The following VSTM1 variants were observed in gnomAD, a reference collection of about 807,000 sequenced individuals.
VSTM1 encodes the protein V-set and transmembrane domain containing 1.
VSTM1 carries 27 observed loss-of-function variants against 33.1 expected under a neutral mutation model. The ratio of observed to expected loss-of-function variants is 0.82; its 90% CI spans 0.60 to 1.12. The LOEUF (loss-of-function observed/expected upper bound fraction) is 1.12. Among genes scored for constraint, VSTM1 ranks in the 50% most tolerant of loss-of-function variants. The pLI is 0.00. For synonymous variants in VSTM1, 115 were observed against 110.3 expected (o/e 1.04, Z -0.27); for missense variants, 304 against 288.9 (o/e 1.05, Z -0.38).
Position 54,053,746 on chromosome 19 carries a change from G to T in VSTM1, c.356-2298C>A, listed in dbSNP as rs1226171390. On this transcript the variant is annotated intron_variant, in intron 3 of 8. Transcript: ENST00000338372. ...CACATCAACTGTGAGATAATAAATA[G>T]GTGTTTCAGGCTGCTAAATTAGTGG... Among the ~76,000 whole-genome samples the T allele has an allele frequency of 4.2e-5, 6 of 142,240 alleles. 2 individuals are homozygous for T. The East Asian group carries it at 1.0e-3, about 24-fold the overall frequency. The allele number at this position is 142,240 out of a possible 152,430, so 93.3% of individuals were successfully genotyped here. A position where few individuals can be genotyped will look rare whatever the true frequency, so the allele number is the denominator to read the frequency against.
rs1247727249 is a variant in VSTM1, at chr19:54,040,920, G to A, written c.*41C>T. On this transcript the variant is annotated 3_prime_UTR_variant, in exon 9 of 9. Coordinates refer to ENST00000338372, the MANE Select transcript of VSTM1 (RefSeq NM_198481.4). ...TCCAGATTTCCGATAACCTTGGCCA[G>A]CACGATCCCCCCTCCTTTAGTGGCC... 1.9e-6 allele frequency: 3 copies of A among 1,599,876 alleles called. No individual in the cohort carries two copies. In the African/African-American group the frequency reaches 4.1e-5, roughly 22 times the overall value.
rs1436205116 is a variant in VSTM1, at chr19:54,054,070, G to T, written c.356-2622C>A. On this transcript the variant is annotated intron_variant, in intron 3 of 8. Transcript: ENST00000338372. Reference sequence around the variant, plus strand: ...ATGCCCATTTTGTAATAAGTAAAAAGTAGTATAATAAAAAAGTAAAAAGTA... The same window carrying T: ...ATGCCCATTTTGTAATAAGTAAAAATTAGTATAATAAAAAAGTAAAAAGTA... Among the ~76,000 whole-genome samples the T allele has an allele frequency of 4.2e-5, 6 of 141,796 alleles. 2 individuals carry two copies. Among genetic ancestry groups the T allele is most frequent in the African/African-American group, 1.6e-4 (6 of 38,434 alleles). The allele number at this position is 141,796 out of a possible 152,430, so 93.0% of individuals were successfully genotyped here.
chr19:54,047,317 G>C (rs1375602644), intron 4 of VSTM1, among the ~76,000 whole-genome samples: 1 of 150,450 alleles, frequency 6.6e-6, no homozygotes, highest in Non-Finnish European at 1.5e-5. Context: ...TTTTTTTTGA[G>C]ACAGTCTCAC....
At chr19:54,045,434 A>G (rs112561365) in intron 4 of VSTM1, among the ~76,000 whole-genome samples, 128 of 152,230 alleles carry the variant, frequency 8.4e-4, no homozygotes, top group African/African-American at 2.7e-3. Context: ...TTGTTAATCT[A>G]TCACTTATCT....
chr19:54,049,253 A>G (rs111383123), intron 4 of VSTM1, among the ~76,000 whole-genome samples: 7 of 152,234 alleles, frequency 4.6e-5, no homozygotes, highest in African/African-American at 1.7e-4. Context: ...ACAAAGGATC[A>G]CATAGTGTAT....
intron 4 of VSTM1, among the ~76,000 whole-genome samples, chr19:54,042,806 G>GTGTATATATA (rs1213654028): frequency 5.2e-5 from 3 of 57,938 alleles, no homozygotes; most frequent in Non-Finnish European, 9.5e-5. Flanking sequence ...ATATAAATGT[G>GTGTATATATA]TATATATATA....
At chr19:54,052,205 T>C (rs2070877286) in intron 3 of VSTM1, among the ~76,000 whole-genome samples, 2 of 150,122 alleles carry the variant, frequency 1.3e-5, no homozygotes, top group South Asian at 4.4e-4. Flanking sequence ...GAGACCATCC[T>C]GGCTAACATG....
chr19:54,042,993 G>A (rs1353344224), intron 4 of VSTM1, among the ~76,000 whole-genome samples: 4 of 150,728 alleles, frequency 2.7e-5, no homozygotes, highest in East Asian at 2.0e-4. Flanking sequence ...GATTACAGGC[G>A]TGAGCCACCA....
In VSTM1 at chr19:54,058,508, A is replaced by G; in HGVS notation, c.153T>C (p.Ala51=). ...AESNVTLKCQ[A]HSQNVTFVLR... is the part of the protein sequence containing the mutation. ...GCACAAATGTCACATTCTGGGAATG[A>G]GCCTGACACTTCAGGGTCACATTGC... The change falls in exon 3 of 9, where the codon GCT becomes GCC. Residue 51 remains alanine, a synonymous_variant. Coordinates refer to ENST00000338372, the MANE Select transcript of VSTM1 (RefSeq NM_198481.4). 5 of 1,614,070 alleles carry G rather than the reference A, an allele frequency of 3.1e-6. No individual in the cohort carries two copies. The highest frequency in any genetic ancestry group is 1.1e-5 in the South Asian group (1 of 91,082).
At chr19:54,062,935 C>T (rs1386988335) in intron 1 of VSTM1, among the ~76,000 whole-genome samples, 5 of 152,016 alleles carry the variant, frequency 3.3e-5, no homozygotes, top group Non-Finnish European at 7.4e-5. Context: ...GTAGTAAAGC[C>T]GAGATTATAA....
chr19:54,042,806 GTATATATATATA>G (rs1203522841), intron 4 of VSTM1, among the ~76,000 whole-genome samples: 15 of 57,938 alleles, frequency 2.6e-4, no homozygotes, highest in Admixed American at 4.8e-4. Flanking sequence ...ATATAAATGT[GTATATATATATA>G]TATATATATA....
intron 4 of VSTM1, among the ~76,000 whole-genome samples, chr19:54,044,468 G>A (rs991825167): frequency 6.6e-6 from 1 of 152,150 alleles, no homozygotes; most frequent in South Asian, 2.1e-4. Context: ...GCTGAGAGAA[G>A]AGAATTGCTT....
At chr19:54,050,538 C>T (rs1004689789) in intron 4 of VSTM1, among the ~76,000 whole-genome samples, 21 of 152,190 alleles carry the variant, frequency 1.4e-4, no homozygotes, top group African/African-American at 4.6e-4. Context: ...CCTAGTTTTT[C>T]ATCATGTCAT....
At chr19:54,054,608 T>C (rs1327373328) in intron 3 of VSTM1, among the ~76,000 whole-genome samples, 1 of 140,722 alleles carries the variant, frequency 7.1e-6, no homozygotes, top group Non-Finnish European at 1.6e-5. Context: ...AGAGGTATTG[T>C]TTAGTGACTA....
At position 54,058,429 on chromosome 19, in the gene VSTM1, C is replaced by T. The variant is rs529993082; in HGVS notation, c.232G>A (p.Glu78Lys). ...YKQEQSSAEN[E>K]AEFPFTDLKP... ...AGGTCCGTGAAGGGGAATTCAGCTTCGTTTTCTGCCGAGCTCTGTTCCTGC... is the reference window on the plus strand; with the variant it reads ...AGGTCCGTGAAGGGGAATTCAGCTTTGTTTTCTGCCGAGCTCTGTTCCTGC... Residue 78 changes from glutamate to lysine, a missense_variant, in exon 3 of 9, where the codon GAA (glutamate) becomes AAA (lysine). Transcript: ENST00000338372. The T allele has an allele frequency of 5.8e-5, 94 of 1,614,066 alleles. No individual in the cohort carries two copies. The highest frequency in any genetic ancestry group is 2.9e-4 in the East Asian group (13 of 44,876).
intron 6 of VSTM1, 45 bp from the exon 7 acceptor site, chr19:54,041,998 C>G: frequency 1.2e-6 from 2 of 1,612,976 alleles, no homozygotes; most frequent in Non-Finnish European, 1.7e-6. Flanking sequence ...GTGAAGATTT[C>G]GGGGAGAGGG....
Position 54,041,830 on chromosome 19 carries a change from G to C in VSTM1, c.554-14C>G, listed in dbSNP as rs202238719. 6.0e-6 allele frequency: 8 copies of C among 1,333,952 alleles called. No homozygotes were observed. The Admixed American group carries it at 1.2e-4, about 20-fold the overall frequency. The allele number at this position is 1,333,952 out of a possible 1,614,324, so 82.6% of individuals were successfully genotyped here. A position where few individuals can be genotyped will look rare whatever the true frequency, so the allele number is the denominator to read the frequency against. On this transcript the variant is annotated splice_polypyrimidine_tract_variant and intron_variant, in intron 7 of 8. Coordinates refer to ENST00000338372, the MANE Select transcript of VSTM1 (RefSeq NM_198481.4). ...ATAAATCTGCCTCTGAGTGAGAAAG[G>C]AAAAAAAAAAATCAGTTCTCAGCTG...
chr19:54,045,362 C>T (rs1490431742), intron 4 of VSTM1, among the ~76,000 whole-genome samples: 2 of 152,052 alleles, frequency 1.3e-5, no homozygotes, highest in Non-Finnish European at 1.5e-5. Flanking sequence ...TTGCCTATCA[C>T]CTATCCAATC....
intron 3 of VSTM1, among the ~76,000 whole-genome samples, chr19:54,053,476 C>T (rs1452762529): frequency 1.4e-5 from 2 of 142,702 alleles, no homozygotes; most frequent in African/African-American, 5.2e-5. Context: ...AGGGCATTTG[C>T]TCTCTCTTTC....
Sources: allele counts gnomAD v4.1 joint callset (sites outside exome capture counted in the v4.1 genomes callset), GRCh38; gene constraint gnomAD v4.1.1; transcripts MANE v1.5; gene names NCBI Gene and HGNC (gene_info 2026-07-23, HGNC 2026-07-21).